The following RAP1GAP2 variants were observed in gnomAD, a reference collection of about 807,000 sequenced individuals.
RAP1GAP2 encodes the protein rap1 GTPase-activating protein 2.
RAP1GAP2 carries 27 observed loss-of-function variants against 95.0 expected under a neutral mutation model. The observed-to-expected ratio is 0.28, with a 90% confidence interval of 0.21 to 0.39. RAP1GAP2 has a LOEUF of 0.39. Among genes scored for constraint, RAP1GAP2 ranks in the 10% least tolerant of loss-of-function variants. The pLI is 1.00. For synonymous variants in RAP1GAP2, 373 were observed against 380.9 expected (o/e 0.98, Z 0.24); for missense variants, 771 against 970.0 (o/e 0.79, Z 2.72).
chr17:2,990,398 C>T (rs1167973397), intron 11 of RAP1GAP2, among the ~76,000 whole-genome samples: 1 of 151,774 alleles, frequency 6.6e-6, no homozygotes, highest in East Asian at 1.9e-4. Context: ...GGTGACTCTG[C>T]GTTTAGCCTT....
In RAP1GAP2 at chr17:2,926,785, A is replaced by C. The variant is rs555686627; in HGVS notation, c.165+21417A>C. 1.1e-4 allele frequency among the ~76,000 whole-genome samples: 16 copies of C among 152,018 alleles called. No individual in the cohort carries two copies. In the South Asian group the frequency reaches 3.1e-3, roughly 30 times the overall value. The stretch of plus-strand genomic sequence containing the variant: ...TTTGAGAGGCCGAGGCGGGCGGATC[A>C]CCTGAGGTCAAGAGTTCGAGACCAG... On this transcript the variant is annotated intron_variant, in intron 3 of 24. Coordinates refer to ENST00000254695, the MANE Select transcript of RAP1GAP2 (RefSeq NM_015085.5).
rs369055281 is a variant in RAP1GAP2 at position 2,977,574 on chromosome 17, G to A, written c.597-2713G>A. Among the ~76,000 whole-genome samples, 13 of 151,432 alleles carry A rather than the reference G, an allele frequency of 8.6e-5. No homozygotes were observed. The East Asian group carries it at 1.2e-3, about 14-fold the overall frequency. Reference sequence around the variant, plus strand: ...AGCCTGGCCAACATGGTGAAACCTCGTCTCTACTAAAAATATAAAAATTAG... The same window carrying A: ...AGCCTGGCCAACATGGTGAAACCTCATCTCTACTAAAAATATAAAAATTAG... On this transcript the variant is annotated intron_variant, in intron 8 of 24. Transcript: ENST00000254695.
At chr17:2,920,743 A>G (rs576807379) in intron 3 of RAP1GAP2, among the ~76,000 whole-genome samples, 65 of 152,166 alleles carry the variant, frequency 4.3e-4, no homozygotes, top group African/African-American at 8.4e-4. Context: ...ATCATGGTCA[A>G]TATGCCAAAC....
At chr17:2,956,729 A>C (rs1403090660) in intron 3 of RAP1GAP2, among the ~76,000 whole-genome samples, 1 of 152,098 alleles carries the variant, frequency 6.6e-6, no homozygotes, top group African/African-American at 2.4e-5. Context: ...CCAGCCCCTC[A>C]CGCTTCCATT....
chr17:2,950,221 G>T (rs8077616), intron 3 of RAP1GAP2, among the ~76,000 whole-genome samples: 137,053 of 151,788 alleles, frequency 0.9, 63,122 homozygotes, highest in Non-Finnish European at 1. Context: ...GCCTGGCTAA[G>T]TTTTGTATTT....
rs71377568 is a variant in RAP1GAP2 at position 3,013,627 on chromosome 17, C to CTTTTTTTT, written c.1495-4430_1495-4429insTTTTTTTT. On this transcript the variant is annotated intron_variant, in intron 17 of 24. Coordinates refer to ENST00000254695, the MANE Select transcript of RAP1GAP2 (RefSeq NM_015085.5). ...AGCCTCTGAGTTTTTCTTTTCTTTTCTTTTCTTTTTTTTTTTTTTTTTTTT... is the reference window on the plus strand; with the variant it reads ...AGCCTCTGAGTTTTTCTTTTCTTTTCTTTTTTTTTTTTCTTTTTTTTTTTTTTTTTTTT... Among the ~76,000 whole-genome samples, 68 of 78,906 alleles carry CTTTTTTTT rather than the reference C, an allele frequency of 8.6e-4. 3 individuals carry two copies. Among genetic ancestry groups the CTTTTTTTT allele is most frequent in the African/African-American group, 1.1e-3 (21 of 18,822 alleles). The allele number at this position is 78,906 out of a possible 152,430, so 51.8% of individuals were successfully genotyped here.
chr17:2,941,776 A>G (rs1263702289), intron 3 of RAP1GAP2, among the ~76,000 whole-genome samples: 1 of 149,704 alleles, frequency 6.7e-6, no homozygotes, highest in Non-Finnish European at 1.5e-5. Context: ...TCCGCCTCCC[A>G]GGTTCAAGTG....
At chr17:2,893,168 C>T (rs1567750263) in intron 2 of RAP1GAP2, among the ~76,000 whole-genome samples, 1 of 152,060 alleles carries the variant, frequency 6.6e-6, no homozygotes, top group East Asian at 1.9e-4. Context: ...GCTGGGATTA[C>T]AGGCACCCGC....
intron 14 of RAP1GAP2, 127 bp downstream of exon 14, chr17:2,998,503 GTT>G: frequency 8.2e-7 from 1 of 1,217,266 alleles, no homozygotes. Context: ...GGTTTCTGGG[GTT>G]TGGAGCTAGA....
intron 1 of RAP1GAP2, among the ~76,000 whole-genome samples, chr17:2,790,057 T>C (rs1267116984): frequency 6.6e-6 from 1 of 152,080 alleles, no homozygotes; most frequent in Non-Finnish European, 1.5e-5. Context: ...TTGCTGGCCC[T>C]GAATGCCCAC....
intron 3 of RAP1GAP2, among the ~76,000 whole-genome samples, chr17:2,933,501 A>T (rs982649255): frequency 6.6e-6 from 1 of 152,234 alleles, no homozygotes; most frequent in Non-Finnish European, 1.5e-5. Flanking sequence ...CGGGAGGCCA[A>T]CACCTCCCTT....
chr17:2,883,219 T>G (rs2073369933), intron 2 of RAP1GAP2, among the ~76,000 whole-genome samples: 1 of 152,210 alleles, frequency 6.6e-6, no homozygotes, highest in Non-Finnish European at 1.5e-5. Flanking sequence ...ATTTGAGGGC[T>G]GCACTGTGAG....
Position 3,026,475 on chromosome 17 carries a change from C to A in RAP1GAP2, c.1980+11C>A. On this transcript the variant is annotated intron_variant, in intron 21 of 24. Coordinates refer to ENST00000254695, the MANE Select transcript of RAP1GAP2 (RefSeq NM_015085.5). ...GAGGGCGACAGTGGGGTAGGTGTGC[C>A]CCGTCCACCCTTGGGCAGGCACTCT... 1 of 1,539,568 alleles carries A rather than the reference C, an allele frequency of 6.5e-7. No individual in the cohort carries two copies. The highest frequency in any genetic ancestry group is 8.8e-7 in the Non-Finnish European group (1 of 1,139,520).
chr17:2,786,997 C>T (rs28434493), intron 1 of RAP1GAP2, among the ~76,000 whole-genome samples: 24 of 125,794 alleles, frequency 1.9e-4, no homozygotes, highest in African/African-American at 6.7e-4. Flanking sequence ...TGTCCCCAGG[C>T]TGGTGCGCAG....
intron 3 of RAP1GAP2, among the ~76,000 whole-genome samples, chr17:2,916,094 A>G (rs2042558448): frequency 6.6e-6 from 1 of 152,168 alleles, no homozygotes; most frequent in Non-Finnish European, 1.5e-5. Context: ...ATTTATTGCC[A>G]TATGGATACT....
At chr17:2,874,792 G>C (rs2151649582) in intron 2 of RAP1GAP2, among the ~76,000 whole-genome samples, 1 of 152,256 alleles carries the variant, frequency 6.6e-6, no homozygotes, top group Non-Finnish European at 1.5e-5. Context: ...AGTTCTTGAA[G>C]TTCTGCCTCT....
chr17:2,896,395 T>A (rs925184611), intron 2 of RAP1GAP2, among the ~76,000 whole-genome samples: 2 of 152,180 alleles, frequency 1.3e-5, no homozygotes, highest in Non-Finnish European at 2.9e-5. Context: ...CAGGTGGAGC[T>A]GGCTTTCCCA....
chr17:2,927,196 C>T (rs1314354138), intron 3 of RAP1GAP2, among the ~76,000 whole-genome samples: 1 of 150,986 alleles, frequency 6.6e-6, no homozygotes, highest in Non-Finnish European at 1.5e-5. Context: ...CTCTGTCACC[C>T]AGGCTGGAGT....
At chr17:3,019,309 C>T (rs2046878215) in intron 18 of RAP1GAP2, among the ~76,000 whole-genome samples, 2 of 152,032 alleles carry the variant, frequency 1.3e-5, no homozygotes, top group Non-Finnish European at 2.9e-5. Flanking sequence ...TCCAGGAATT[C>T]GAGACCAGCT....
Sources: gnomAD v4.1 joint callset for allele counts (sites outside exome capture counted in the v4.1 genomes callset) on GRCh38, gnomAD v4.1.1 for gene constraint, MANE v1.5 for transcripts, NCBI Gene and HGNC (gene_info 2026-07-23, HGNC 2026-07-21) for gene names.